The following VGLL3 variants were observed in gnomAD, a reference collection of about 807,000 sequenced individuals.
The protein encoded by VGLL3 is vestigial like family member 3.
In VGLL3, 18 loss-of-function variants were observed where a neutral mutation model predicts 29.2. The observed-to-expected ratio is 0.62, with a 90% CI of 0.43 to 0.91. VGLL3 has a LOEUF of 0.91. Among genes scored for constraint, VGLL3 ranks in the 40% least tolerant of loss-of-function variants. The pLI is 0.00. For synonymous variants in VGLL3, 180 were observed against 151.8 expected (o/e 1.19, Z -1.36); for missense variants, 440 against 413.2 (o/e 1.06, Z -0.56).
At chr3:86,963,982 A>G (rs1235080920) in intron 3 of VGLL3, among the ~76,000 whole-genome samples, 1 of 152,234 alleles carries the variant, frequency 6.6e-6, no homozygotes, top group Non-Finnish European at 1.5e-5. Context: ...GAAGATAAAA[A>G]TTATACACAG....
intron 3 of VGLL3, among the ~76,000 whole-genome samples, chr3:86,957,919 A>G (rs946162818): frequency 6.6e-6 from 1 of 152,044 alleles, no homozygotes; most frequent in African/African-American, 2.4e-5. Context: ...TCAAACTCCT[A>G]TTAGTGACCT....
At chr3:86,988,956 G>A (rs1279281379) in intron 1 of VGLL3, among the ~76,000 whole-genome samples, 1 of 151,998 alleles carries the variant, frequency 6.6e-6, no homozygotes, top group African/African-American at 2.4e-5. Context: ...CAAAAGAAAT[G>A]AATTTGGGGA....
At chr3:86,967,464 C>A (rs1426381810) in intron 3 of VGLL3, among the ~76,000 whole-genome samples, 1 of 152,092 alleles carries the variant, frequency 6.6e-6, no homozygotes, top group Non-Finnish European at 1.5e-5. Context: ...GGGCAATGAT[C>A]AACAATGGAA....
chr3:86,964,540 A>G (rs1343232215), intron 3 of VGLL3, among the ~76,000 whole-genome samples: 1 of 152,174 alleles, frequency 6.6e-6, no homozygotes, highest in Non-Finnish European at 1.5e-5. Flanking sequence ...TGAAATCCTA[A>G]CCCCCAAGGT....
chr3:86,956,576 G>T (rs1416645184), intron 3 of VGLL3, among the ~76,000 whole-genome samples: 1 of 152,096 alleles, frequency 6.6e-6, no homozygotes, highest in Admixed American at 6.5e-5. Context: ...CACGAGGTCA[G>T]GAGATCGAGA....
chr3:86,971,755 T>C (rs1018046956), intron 2 of VGLL3, among the ~76,000 whole-genome samples: 5 of 152,196 alleles, frequency 3.3e-5, no homozygotes, highest in African/African-American at 1.2e-4. Flanking sequence ...AATATTTCTG[T>C]CATACCCACA....
At chr3:86,954,873 T>C (rs1286027151) in intron 3 of VGLL3, among the ~76,000 whole-genome samples, 2 of 148,120 alleles carry the variant, frequency 1.4e-5, no homozygotes, top group African/African-American at 5.2e-5. Context: ...TTCTACAGGC[T>C]TTCTCCCAGA....
In VGLL3 at chr3:86,941,344, A is replaced by G. The variant is rs915477333; in HGVS notation, c.*5680T>C. On this transcript the variant is annotated 3_prime_UTR_variant, in exon 4 of 4. Transcript: ENST00000398399. ...TACATCTCTATTAATATAAAGTGAT[A>G]TCAATAGGAAAGTTCACATCTTATG... 6.6e-6 allele frequency: 1 copy of G among 152,494 alleles called. No homozygotes were observed. Among genetic ancestry groups the G allele is most frequent in the South Asian group, 2.1e-4 (1 of 4,830 alleles). 9.4% of individuals were successfully genotyped at this position (152,494 alleles called of 1,614,324 possible).
At chr3:86,988,814 A>G (rs970224974) in intron 1 of VGLL3, among the ~76,000 whole-genome samples, 2 of 138,970 alleles carry the variant, frequency 1.4e-5, no homozygotes, top group Non-Finnish European at 1.6e-5. Flanking sequence ...GAAGTTGATC[A>G]TTATGTAACC....
Position 86,939,340 on chromosome 3 carries a change from C to T in VGLL3, c.*7684G>A, listed in dbSNP as rs955669484. 3.3e-5 allele frequency: 5 copies of T among 152,160 alleles called. No individual in the cohort carries two copies. The highest frequency in any genetic ancestry group is 1.2e-4 in the African/African-American group (5 of 41,440). The allele number at this position is 152,160 out of a possible 1,614,324, so 9.4% of individuals were successfully genotyped here. ...GGGCCTTTAAAGATGTAATTAAGAA[C>T]CTTGAGCATGGCGCAATGGCTTATG... On this transcript the variant is annotated 3_prime_UTR_variant, in exon 4 of 4. Coordinates refer to ENST00000398399, the MANE Select transcript of VGLL3 (RefSeq NM_016206.4).
chr3:86,962,605 C>T (rs1704875875), intron 3 of VGLL3: 1 of 953,968 alleles, frequency 1.0e-6, no homozygotes, highest in African/African-American at 1.8e-5. Context: ...TATATATGCT[C>T]TTTGAAAAAA....
chr3:86,978,841 T>C, intron 1 of VGLL3, 39 bp from the exon 2 acceptor site: 1 of 1,524,986 alleles, frequency 6.6e-7, no homozygotes. Context: ...CAAAGACAGT[T>C]TGTAGAAAAG....
In VGLL3 at chr3:86,978,668, G is replaced by A; in HGVS notation, c.261C>T (p.Arg87=). Reference sequence around the variant, plus strand: ...CCTGGAAATAAGTGAAAAGGACACAGCGAGAGTTAAGGTACTCCATCTCGG... The same window carrying A: ...CCTGGAAATAAGTGAAAAGGACACAACGAGAGTTAAGGTACTCCATCTCGG... ...QPAEMEYLNS[R]CVLFTYFQGD... Residue 87 remains arginine (R), a synonymous_variant, in exon 2 of 4, where the codon CGC becomes CGT. Coordinates refer to ENST00000398399, the MANE Select transcript of VGLL3 (RefSeq NM_016206.4). 4 of 1,614,124 alleles carry A rather than the reference G, an allele frequency of 2.5e-6. No homozygotes were observed. Among genetic ancestry groups the A allele is most frequent in the Non-Finnish European group, 3.4e-6 (4 of 1,180,008 alleles).
intron 2 of VGLL3, among the ~76,000 whole-genome samples, chr3:86,970,630 G>GC (rs1215212560): frequency 2.0e-5 from 3 of 152,022 alleles, no homozygotes; most frequent in African/African-American, 7.2e-5. Flanking sequence ...AGACTTGCTG[G>GC]CCATGGTACT....
chr3:86,970,269 AT>A (rs1705066832), intron 2 of VGLL3, among the ~76,000 whole-genome samples: 1 of 152,120 alleles, frequency 6.6e-6, no homozygotes, highest in South Asian at 2.1e-4. Flanking sequence ...AATGGACATC[AT>A]TTTTAGTCAC....
intron 3 of VGLL3, among the ~76,000 whole-genome samples, chr3:86,961,643 T>C (rs948140906): frequency 2.6e-5 from 4 of 152,158 alleles, no homozygotes; most frequent in Non-Finnish European, 5.9e-5. Flanking sequence ...CCCAGTATAA[T>C]ACTCTGAGAT....
intron 1 of VGLL3, among the ~76,000 whole-genome samples, chr3:86,985,022 G>A (rs1026359420): frequency 1.4e-4 from 22 of 152,280 alleles, no homozygotes; most frequent in East Asian, 7.7e-4. Context: ...AGATTTGACC[G>A]AAACTATTTC....
chr3:86,970,491 A>ACG (rs754907587), intron 2 of VGLL3, among the ~76,000 whole-genome samples: 54 of 114,546 alleles, frequency 4.7e-4, no homozygotes, highest in African/African-American at 2.3e-3. Flanking sequence ...ACGCACACAC[A>ACG]CACACACACA....
intron 2 of VGLL3, among the ~76,000 whole-genome samples, chr3:86,973,814 C>T (rs1297809952): frequency 6.6e-6 from 1 of 152,156 alleles, no homozygotes; most frequent in South Asian, 2.1e-4. Context: ...ACCCTATGTA[C>T]ATCAATGAGC....
Sources: gnomAD v4.1 joint callset for allele counts (sites outside exome capture counted in the v4.1 genomes callset) on GRCh38, gnomAD v4.1.1 for gene constraint, MANE v1.5 for transcripts, NCBI Gene and HGNC (gene_info 2026-07-23, HGNC 2026-07-21) for gene names.